GPBP1: variants seen among roughly 807,000 people sequenced by gnomAD.
The protein encoded by GPBP1 is vasculin.
GPBP1 carries 13 observed loss-of-function variants against 56.5 expected under a neutral mutation model. The ratio of observed to expected loss-of-function variants is 0.23; its 90% CI spans 0.15 to 0.37. The LOEUF is 0.37. Ranked by LOEUF, GPBP1 falls within the 10% of genes least tolerant of loss-of-function variation. The pLI, the probability that GPBP1 is intolerant of heterozygous loss-of-function variation, is 1.00. For missense variants in GPBP1, 477 were observed against 572.3 expected, an observed-to-expected ratio of 0.83 and a Z score of 1.70; for synonymous variants, 204 against 188.9, an observed-to-expected ratio of 1.08 and a Z score of -0.66.
intron 2 of GPBP1, among the ~76,000 whole-genome samples, chr5:57,187,437 C>T (rs999909379): frequency 6.6e-6 from 1 of 152,112 alleles, no homozygotes; most frequent in Non-Finnish European, 1.5e-5. Context: ...CTAGAGATTT[C>T]CTTTGCCTCA....
chr5:57,230,639 A>C, intron 3 of GPBP1: 1 of 563,524 alleles, frequency 1.8e-6, no homozygotes, highest in East Asian at 3.1e-5. Flanking sequence ...CTCTAAGCAC[A>C]TGTGCTTGTT....
chr5:57,240,111 C>T (rs1391066489), intron 6 of GPBP1, among the ~76,000 whole-genome samples: 1 of 151,966 alleles, frequency 6.6e-6, no homozygotes, highest in African/African-American at 2.4e-5. Context: ...ATTAACTGGA[C>T]GTGGTTGTGT....
At chr5:57,233,107 A>G (rs1756527824) in intron 5 of GPBP1, among the ~76,000 whole-genome samples, 1 of 152,170 alleles carries the variant, frequency 6.6e-6, no homozygotes. Context: ...TTAGGTCTTG[A>G]ACGGATTATA....
Position 57,214,134 on chromosome 5 carries a change from G to A in GPBP1, c.4G>A (p.Ala2Thr). 1 of 1,613,724 alleles carries A rather than the reference G, an allele frequency of 6.2e-7. No individual in the cohort carries two copies. Among genetic ancestry groups the A allele is most frequent in the Non-Finnish European group, 8.5e-7 (1 of 1,179,656 alleles). ...GAGTTGGAGAGACTGGACCTAAATG[G>A]CGCAGCATGACTTTGCTCCAGCCTG... M[A>T]QHDFAPAWLN... Residue 2 changes from alanine (A) to threonine (T), a missense_variant, in exon 3 of 12, where the codon GCG becomes ACG. Coordinates refer to ENST00000506184, the MANE Select transcript of GPBP1 (RefSeq NM_022913.4).
chr5:57,210,499 T>A (rs1755429342), intron 2 of GPBP1, among the ~76,000 whole-genome samples: 1 of 152,198 alleles, frequency 6.6e-6, no homozygotes, highest in South Asian at 2.1e-4. Flanking sequence ...AGCTGTGGAA[T>A]CCTGACTCCT....
intron 2 of GPBP1, among the ~76,000 whole-genome samples, chr5:57,211,261 A>T (rs916142066): frequency 1.3e-5 from 2 of 151,642 alleles, no homozygotes; most frequent in Non-Finnish European, 2.9e-5. Flanking sequence ...GTCATAGCTC[A>T]CTGCAGCCTC....
intron 2 of GPBP1, among the ~76,000 whole-genome samples, chr5:57,183,148 C>T (rs573412828): frequency 2.4e-4 from 37 of 151,918 alleles, no homozygotes; most frequent in Non-Finnish European, 4.3e-4. Flanking sequence ...GGTGGATCAC[C>T]TGAGGTCAGG....
chr5:57,240,287 T>G (rs2111895166), intron 6 of GPBP1, among the ~76,000 whole-genome samples: 2 of 152,210 alleles, frequency 1.3e-5, no homozygotes, highest in South Asian at 4.1e-4. Flanking sequence ...ATTCAGATAC[T>G]GATTACCCTT....
chr5:57,178,491 C>T (rs112727783), intron 2 of GPBP1, among the ~76,000 whole-genome samples: 7 of 152,236 alleles, frequency 4.6e-5, no homozygotes, highest in Non-Finnish European at 7.4e-5. Context: ...GATGATTCAC[C>T]TGCCTCCACT....
chr5:57,180,279 TAATTTTTTG>T (rs974360421), intron 2 of GPBP1, among the ~76,000 whole-genome samples: 4 of 152,072 alleles, frequency 2.6e-5, no homozygotes, highest in African/African-American at 7.2e-5. Context: ...CATGCCCAGC[TAATTTTTTG>T]TATTTTTTGT....
chr5:57,191,472 C>T (rs944022701), intron 2 of GPBP1, among the ~76,000 whole-genome samples: 2 of 151,678 alleles, frequency 1.3e-5, no homozygotes. Context: ...AAAATTTCCC[C>T]AATTTTGAAC....
At chr5:57,196,243 C>T (rs1754744960) in intron 2 of GPBP1, among the ~76,000 whole-genome samples, 1 of 151,970 alleles carries the variant, frequency 6.6e-6, no homozygotes, top group Non-Finnish European at 1.5e-5. Flanking sequence ...CTCAAGTGAT[C>T]CTCCTGTCTT....
At chr5:57,239,832 A>G (rs1362984835) in intron 6 of GPBP1, among the ~76,000 whole-genome samples, 2 of 152,184 alleles carry the variant, frequency 1.3e-5, no homozygotes, top group African/African-American at 4.8e-5. Context: ...TGTTGTAAAA[A>G]TGATCTTAAA....
Position 57,262,849 on chromosome 5 carries a change from A to G in GPBP1, c.*97A>G. ...TGAAGAACTATAATTTATGTAGTGA[A>G]ATACCCCATTAGAAGAGGATTTTTT... On this transcript the variant is annotated 3_prime_UTR_variant, in exon 12 of 12. Transcript: ENST00000506184. The G allele has an allele frequency of 9.0e-7, 1 of 1,115,308 alleles. No homozygotes were observed. The highest frequency in any genetic ancestry group is 1.3e-6 in the Non-Finnish European group (1 of 773,498). The allele number at this position is 1,115,308 out of a possible 1,614,324, so 69.1% of individuals were successfully genotyped here.
At chr5:57,246,588 T>C in intron 7 of GPBP1, 104 bp downstream of exon 7, 1 of 894,488 alleles carries the variant, frequency 1.1e-6, no homozygotes, top group South Asian at 1.9e-5. Context: ...AGGTACTTCG[T>C]GGGGTGCTGA....
chr5:57,248,462 C>T (rs1450399709), intron 8 of GPBP1, among the ~76,000 whole-genome samples: 2 of 125,220 alleles, frequency 1.6e-5, no homozygotes, highest in African/African-American at 6.3e-5. Flanking sequence ...GAGTCTCGCT[C>T]TGTCGCCCAG....
At chr5:57,222,482 A>G (rs1251305483) in intron 3 of GPBP1, among the ~76,000 whole-genome samples, 3 of 152,114 alleles carry the variant, frequency 2.0e-5, no homozygotes, top group Non-Finnish European at 4.4e-5. Context: ...ACACCAGAAT[A>G]TATTTTTATT....
At chr5:57,177,873 AT>A (rs1000174319) in intron 2 of GPBP1, among the ~76,000 whole-genome samples, 25 of 148,068 alleles carry the variant, frequency 1.7e-4, no homozygotes, top group Admixed American at 2.0e-4. Context: ...TTTTGAACCA[AT>A]TTTTTTTTTG....
At chr5:57,209,850 T>C (rs1755398957) in intron 2 of GPBP1, among the ~76,000 whole-genome samples, 2 of 152,170 alleles carry the variant, frequency 1.3e-5, no homozygotes, top group African/African-American at 4.8e-5. Context: ...CTTTGTATGG[T>C]GTTTAATCCT....
Sources: allele counts gnomAD v4.1 joint callset (sites outside exome capture counted in the v4.1 genomes callset), GRCh38; gene constraint gnomAD v4.1.1; transcripts MANE v1.5; gene names NCBI Gene and HGNC (gene_info 2026-07-23, HGNC 2026-07-21).